Variants in TMEM74 observed in about 807,000 individuals in gnomAD.
TMEM74 encodes transmembrane protein 74.
Under a neutral mutation model 18.1 loss-of-function variants are expected in TMEM74, and 13 were observed. The observed-to-expected ratio is 0.72, with a 90% confidence interval of 0.47 to 1.14. TMEM74 has a LOEUF of 1.14. Ranked by LOEUF, TMEM74 falls within the 50% of genes most tolerant of loss-of-function variation. The pLI is 0.00. For missense variants in TMEM74, 372 were observed against 375.9 expected (o/e 0.99, Z 0.09); for synonymous variants, 159 against 146.6 (o/e 1.08, Z -0.61).
intron 1 of TMEM74, among the ~76,000 whole-genome samples, chr8:108,771,313 T>C (rs1814168275): frequency 6.6e-6 from 1 of 152,166 alleles, no homozygotes; most frequent in Admixed American, 6.5e-5. Flanking sequence ...CTTAGGAAGA[T>C]TAAATTAAAT....
intron 2 of TMEM74, among the ~76,000 whole-genome samples, chr8:108,622,503 T>C (rs950468599): frequency 6.6e-6 from 1 of 152,140 alleles, no homozygotes; most frequent in Admixed American, 6.6e-5. Context: ...CTTGAGATAC[T>C]GTATACTTAG....
intron 1 of TMEM74, among the ~76,000 whole-genome samples, chr8:108,701,450 G>A (rs1813333967): frequency 6.6e-6 from 1 of 152,084 alleles, no homozygotes; most frequent in Non-Finnish European, 1.5e-5. Context: ...GAAATAAATT[G>A]CCTTTGTTTA....
chr8:108,615,083 C>T (rs1173553437), intron 2 of TMEM74, among the ~76,000 whole-genome samples: 1 of 152,126 alleles, frequency 6.6e-6, no homozygotes, highest in Non-Finnish European at 1.5e-5. Flanking sequence ...CATTCTTTTC[C>T]ATTCTCAGTT....
chr8:108,617,144 G>A (rs1254868807), intron 2 of TMEM74, among the ~76,000 whole-genome samples: 2 of 151,848 alleles, frequency 1.3e-5, no homozygotes, highest in Non-Finnish European at 1.5e-5. Flanking sequence ...GGCAAAATTA[G>A]GAACTGAGGA....
At chr8:108,683,533 G>T (rs542516144) in intron 1 of TMEM74, among the ~76,000 whole-genome samples, 3 of 151,782 alleles carry the variant, frequency 2.0e-5, no homozygotes, top group African/African-American at 7.2e-5. Context: ...ATACAATTAT[G>T]TTATTACAAA....
At chr8:108,727,360 T>A (rs2130636108) in intron 1 of TMEM74, among the ~76,000 whole-genome samples, 1 of 152,284 alleles carries the variant, frequency 6.6e-6, no homozygotes, top group African/African-American at 2.4e-5. Flanking sequence ...ATAACTAATC[T>A]TGATTAGGAG....
At chr8:108,744,100 C>A (rs1180075462) in intron 1 of TMEM74, among the ~76,000 whole-genome samples, 1 of 152,150 alleles carries the variant, frequency 6.6e-6, no homozygotes, top group African/African-American at 2.4e-5. Flanking sequence ...TATGATTTTA[C>A]TGTTATCCTA....
chr8:108,658,750 C>T (rs1249852266), intron 1 of TMEM74, among the ~76,000 whole-genome samples: 1 of 152,116 alleles, frequency 6.6e-6, no homozygotes, highest in Non-Finnish European at 1.5e-5. Flanking sequence ...CTCTCTGAGC[C>T]TCAACTGTAA....
At chr8:108,692,714 A>AAAAC (rs574434498) in intron 1 of TMEM74, among the ~76,000 whole-genome samples, 3 of 152,154 alleles carry the variant, frequency 2.0e-5, no homozygotes, top group Admixed American at 1.3e-4. Flanking sequence ...CCAATCAACA[A>AAAAC]AAACAAACAA....
chr8:108,657,420 T>A (rs889686473), intron 1 of TMEM74, among the ~76,000 whole-genome samples: 1 of 151,948 alleles, frequency 6.6e-6, no homozygotes, highest in African/African-American at 2.4e-5. Context: ...ATTGGCCAAA[T>A]GGATTAGTGC....
chr8:108,652,646 A>T, intron 2 of TMEM74: 1 of 625,140 alleles, frequency 1.6e-6, no homozygotes. Flanking sequence ...AGCAAGAAAA[A>T]GAAAGAAGAA....
downstream of TMEM74, among the ~76,000 whole-genome samples, chr8:108,776,348 C>T (rs1814233664): frequency 6.6e-6 from 1 of 152,258 alleles, no homozygotes; most frequent in East Asian, 1.9e-4. Flanking sequence ...CAAAAATTAG[C>T]CAAGTGCAGT....
At chr8:108,734,026 T>C (rs1305623129) in intron 1 of TMEM74, among the ~76,000 whole-genome samples, 2 of 152,300 alleles carry the variant, frequency 1.3e-5, no homozygotes, top group African/African-American at 2.4e-5. Context: ...AGAGAGCTGG[T>C]AAAGCATTAT....
At chr8:108,638,838 T>C (rs771268104) in intron 2 of TMEM74, among the ~76,000 whole-genome samples, 1 of 152,172 alleles carries the variant, frequency 6.6e-6, no homozygotes, top group East Asian at 1.9e-4. Flanking sequence ...CACACACTCT[T>C]GCATCCACAC....
chr8:108,778,221 C>A (rs895363532), downstream of TMEM74, among the ~76,000 whole-genome samples: 1 of 152,160 alleles, frequency 6.6e-6, no homozygotes, highest in Non-Finnish European at 1.5e-5. Flanking sequence ...CATTTCAGGG[C>A]TCATGATGGA....
rs376436282 is a variant in TMEM74, at chr8:108,664,714, T to TA, written n.120-9278dup. Among the ~76,000 whole-genome samples the TA allele has an allele frequency of 3.0e-4, 46 of 152,208 alleles. No homozygotes were observed. In the Middle Eastern group the frequency reaches 0.01, roughly 34 times the overall value. ...GCCAAGTCTTAAAGATTCAGTGGCC[T>TA]ACAGGTATCTGCTAATTAATATTAT... is the stretch of plus-strand genomic sequence containing the variant. On this transcript the variant is annotated intron_variant and non_coding_transcript_variant, in intron 1 of 3. Coordinates refer to the TMEM74 transcript ENST00000518838.
chr8:108,698,230 A>T (rs1813300763), intron 1 of TMEM74, among the ~76,000 whole-genome samples: 1 of 152,240 alleles, frequency 6.6e-6, no homozygotes, highest in African/African-American at 2.4e-5. Context: ...CACAATCAAG[A>T]TTAAAATCTG....
chr8:108,715,093 T>G (rs1236401037), intron 1 of TMEM74, among the ~76,000 whole-genome samples: 1 of 152,242 alleles, frequency 6.6e-6, no homozygotes, highest in Non-Finnish European at 1.5e-5. Context: ...CTTTGTAGAA[T>G]GTGTTTCTAT....
intron 1 of TMEM74, among the ~76,000 whole-genome samples, chr8:108,687,904 G>A (rs1485098002): frequency 5.9e-5 from 9 of 152,010 alleles, no homozygotes; most frequent in South Asian, 4.2e-4. Flanking sequence ...ACAGGTACCC[G>A]TCCATAGCCT....
Sources: allele counts gnomAD v4.1 joint callset (sites outside exome capture counted in the v4.1 genomes callset), GRCh38; gene constraint gnomAD v4.1.1; transcripts MANE v1.5; gene names NCBI Gene and HGNC (gene_info 2026-07-23, HGNC 2026-07-21).